Variants in CENPP observed in about 807,000 individuals in gnomAD.
CENPP encodes the protein centromere protein P.
A neutral mutation model predicts 35.6 loss-of-function variants in CENPP; 24 were observed. The ratio of observed to expected loss-of-function variants is 0.67; its 90% CI spans 0.49 to 0.95. The LOEUF (loss-of-function observed/expected upper bound fraction) is 0.95, where lower values mean the gene tolerates loss of function less well. Among genes scored for constraint, CENPP ranks in the 40% least tolerant of loss-of-function variants. CENPP has a pLI of 0.00. For missense variants in CENPP, 332 were observed against 345.3 expected, an observed-to-expected ratio of 0.96 and a Z score of 0.31; for synonymous variants, 120 against 125.5, an observed-to-expected ratio of 0.96 and a Z score of 0.29.
At chr9:92,469,528 C>G (rs1407191663) in intron 5 of CENPP, among the ~76,000 whole-genome samples, 1 of 152,234 alleles carries the variant, frequency 6.6e-6, no homozygotes, top group Non-Finnish European at 1.5e-5. Context: ...GACACAGGAA[C>G]AGGCCAGGCC....
intron 5 of CENPP, chr9:92,517,938 A>C (rs1208296598): frequency 1.3e-6 from 2 of 1,586,664 alleles, no homozygotes; most frequent in East Asian, 2.2e-5. Flanking sequence ...TGTGAATGGA[A>C]GTAAACACAA....
chr9:92,606,489 GGA>G (rs1851084539), intron 5 of CENPP, among the ~76,000 whole-genome samples: 1 of 152,124 alleles, frequency 6.6e-6, no homozygotes. Flanking sequence ...CCCAATGGTT[GGA>G]GAGTTATTAT....
At chr9:92,549,886 A>G (rs1849551862) in intron 5 of CENPP, among the ~76,000 whole-genome samples, 1 of 152,160 alleles carries the variant, frequency 6.6e-6, no homozygotes, top group African/African-American at 2.4e-5. Flanking sequence ...AATAATGGCC[A>G]ATGTGGACAA....
chr9:92,552,215 A>C lies in CENPP; in HGVS notation c.565-59099A>C, dbSNP rs200723448. Among the ~76,000 whole-genome samples the C allele has an allele frequency of 9.9e-3, 1,459 of 146,896 alleles. 23 individuals are homozygous for C. Among genetic ancestry groups the C allele is most frequent in the Middle Eastern group, 0.042 (12 of 286 alleles). On this transcript the variant is annotated intron_variant, in intron 5 of 7. Coordinates refer to ENST00000375587, the MANE Select transcript of CENPP (RefSeq NM_001012267.3). Reference sequence around the variant, plus strand: ...TACACACACACACACACACACACACACCCCACAGTTTCTTTATCCACTTGT... The same window carrying C: ...TACACACACACACACACACACACACCCCCCACAGTTTCTTTATCCACTTGT...
intron 5 of CENPP, among the ~76,000 whole-genome samples, chr9:92,604,345 C>A (rs1007083576): frequency 6.6e-6 from 1 of 152,182 alleles, no homozygotes; most frequent in Non-Finnish European, 1.5e-5. Flanking sequence ...AGATACGTCA[C>A]TAGTTTGGTT....
intron 5 of CENPP, among the ~76,000 whole-genome samples, chr9:92,571,907 C>CTTT (rs145507230): frequency 7.9e-6 from 1 of 127,144 alleles, no homozygotes; most frequent in Non-Finnish European, 1.6e-5. Context: ...TGCAACTCCT[C>CTTT]TTTTTTTTTT....
At chr9:92,551,847 G>GTA (rs150381008) in intron 5 of CENPP, among the ~76,000 whole-genome samples, 13 of 148,596 alleles carry the variant, frequency 8.7e-5, no homozygotes, top group South Asian at 4.3e-4. Flanking sequence ...CATGGTGTGT[G>GTA]TATATATATA....
intron 5 of CENPP, among the ~76,000 whole-genome samples, chr9:92,480,174 A>C (rs1326829925): frequency 1.3e-5 from 2 of 152,212 alleles, no homozygotes; most frequent in Admixed American, 1.3e-4. Context: ...CAGTTTTGCC[A>C]GTGTTTTCCA....
intron 5 of CENPP, chr9:92,517,923 G>A: frequency 6.2e-7 from 1 of 1,605,626 alleles, no homozygotes; most frequent in Non-Finnish European, 8.5e-7. Flanking sequence ...GTGATTATCA[G>A]TAACTGTGAA....
intron 5 of CENPP, among the ~76,000 whole-genome samples, chr9:92,428,997 T>C (rs145147885): frequency 1.4e-4 from 22 of 152,222 alleles, no homozygotes; most frequent in Non-Finnish European, 2.5e-4. Context: ...CTAACTCTTA[T>C]CTTTAAGACA....
intron 4 of CENPP, among the ~76,000 whole-genome samples, chr9:92,367,189 C>CA (rs752801561): frequency 3.6e-4 from 55 of 152,158 alleles, no homozygotes; most frequent in Non-Finnish European, 7.2e-4. Flanking sequence ...TTTTTTGAGA[C>CA]AGAGTCTCAC....
chr9:92,335,174 T>C (rs748427057), intron 2 of CENPP, among the ~76,000 whole-genome samples: 1 of 151,812 alleles, frequency 6.6e-6, no homozygotes, highest in Non-Finnish European at 1.5e-5. Flanking sequence ...TAAAATAAAA[T>C]AAAACAAAAT....
In CENPP at chr9:92,363,101, C is replaced by T. The variant is rs192399623; in HGVS notation, c.468-16662C>T. 2.5e-3 allele frequency among the ~76,000 whole-genome samples: 376 copies of T among 151,336 alleles called. 3 individuals carry two copies. Among genetic ancestry groups the T allele is most frequent in the Non-Finnish European group, 4.5e-3 (304 of 67,720 alleles). ...TAGATTCAGCAATTTATCTGAGGAACCAGAGTTTCTTTTTGTGGGAAATGG... is the reference window on the plus strand; with the variant it reads ...TAGATTCAGCAATTTATCTGAGGAATCAGAGTTTCTTTTTGTGGGAAATGG... On this transcript the variant is annotated intron_variant, in intron 4 of 7. Coordinates refer to ENST00000375587, the MANE Select transcript of CENPP (RefSeq NM_001012267.3).
intron 5 of CENPP, among the ~76,000 whole-genome samples, chr9:92,548,553 A>G (rs998660827): frequency 3.3e-5 from 5 of 152,234 alleles, no homozygotes; most frequent in African/African-American, 1.2e-4. Context: ...TTTAATAAAA[A>G]CAAGTTATAC....
intron 5 of CENPP, among the ~76,000 whole-genome samples, chr9:92,447,057 C>G (rs1228615394): frequency 6.6e-6 from 1 of 152,060 alleles, no homozygotes; most frequent in Non-Finnish European, 1.5e-5. Context: ...TTGCATGATT[C>G]AGCTTCGAGC....
At chr9:92,447,618 T>A (rs1477018595) in intron 5 of CENPP, among the ~76,000 whole-genome samples, 1 of 152,194 alleles carries the variant, frequency 6.6e-6, no homozygotes, top group Non-Finnish European at 1.5e-5. Context: ...ACCCCTGGCA[T>A]AGTGAATTTG....
chr9:92,612,470 C>G, intron 6 of CENPP, 53 bp from the exon 7 acceptor site: 1 of 1,440,550 alleles, frequency 6.9e-7, no homozygotes. Flanking sequence ...GGTTGCTAAT[C>G]TTTTCGCCAG....
chr9:92,594,892 CTTTT>C (rs1213825480), intron 5 of CENPP, among the ~76,000 whole-genome samples: 3 of 105,106 alleles, frequency 2.9e-5, no homozygotes, highest in Non-Finnish European at 3.8e-5. Flanking sequence ...GGTTGCTCTT[CTTTT>C]TTTTTTTTTT....
At chr9:92,350,179 A>C (rs565734654) in intron 4 of CENPP, among the ~76,000 whole-genome samples, 3 of 152,212 alleles carry the variant, frequency 2.0e-5, no homozygotes, top group Admixed American at 6.5e-5. Context: ...CTTGAGAAGG[A>C]GACATTTGGA....
Sources: allele counts gnomAD v4.1 joint callset (sites outside exome capture counted in the v4.1 genomes callset), GRCh38; gene constraint gnomAD v4.1.1; transcripts MANE v1.5; gene names NCBI Gene and HGNC (gene_info 2026-07-23, HGNC 2026-07-21).